Variants in WNT7B observed in about 807,000 individuals in gnomAD.
WNT7B encodes Wnt family member 7B, also known as protein Wnt-7b.
WNT7B carries 19 observed loss-of-function variants against 38.2 expected under a neutral mutation model. That is an observed-to-expected ratio of 0.50 (90% CI 0.35 to 0.73). The LOEUF (loss-of-function observed/expected upper bound fraction) is 0.73. Ranked by LOEUF, WNT7B falls within the 30% of genes least tolerant of loss-of-function variation. The pLI, the probability that WNT7B is intolerant of heterozygous loss-of-function variation, is 0.01. For missense variants in WNT7B, 423 were observed against 507.9 expected (o/e 0.83, Z 1.61); for synonymous variants, 243 against 209.3 (o/e 1.16, Z -1.39).
chr22:45,949,831 CA>C, intron 2 of WNT7B, 88 bp downstream of exon 2: 1 of 1,311,436 alleles, frequency 7.6e-7, no homozygotes, highest in South Asian at 1.4e-5. Flanking sequence ...GTGTGCAGAA[CA>C]GCGGCCTAGG....
chr22:45,931,314 G>C lies in WNT7B; in HGVS notation c.354C>G (p.Ala118=), dbSNP rs372049080. Residue 118 remains alanine, a synonymous_variant, in exon 3 of 4, where the codon GCC becomes GCG. Transcript: ENST00000339464. ...YAITAAGVAH[A]VTAACSQGNL... is the part of the protein sequence containing the mutation. ...TCCCTTGGCTGCAGGCAGCGGTGAC[G>C]GCGTGCGCCACGCCAGCCGCGGTGA... is the stretch of plus-strand genomic sequence containing the variant. The C allele has an allele frequency of 1.9e-6, 3 of 1,597,158 alleles. No homozygotes were observed. The highest frequency in any genetic ancestry group is 2.2e-5 in the South Asian group (2 of 90,976).
chr22:45,928,404 G>A (rs73175051), intron 3 of WNT7B, among the ~76,000 whole-genome samples: 30,153 of 152,164 alleles, frequency 0.2, 3,197 homozygotes, highest in Admixed American at 0.26. Context: ...GCACAGGGTC[G>A]GGGCAGTGAG....
intron 2 of WNT7B, among the ~76,000 whole-genome samples, chr22:45,945,376 G>A (rs1569117839): frequency 6.6e-6 from 1 of 152,196 alleles, no homozygotes; most frequent in Non-Finnish European, 1.5e-5. Flanking sequence ...ACCATGCCTG[G>A]CTGGTGAACT....
intron 3 of WNT7B, among the ~76,000 whole-genome samples, chr22:45,929,227 C>G (rs1483881272): frequency 3.9e-5 from 6 of 152,332 alleles, no homozygotes; most frequent in Non-Finnish European, 7.3e-5. Flanking sequence ...CCACACTTTC[C>G]TCTGGACTCT....
intron 3 of WNT7B, chr22:45,926,529 G>T: frequency 1.0e-6 from 1 of 985,408 alleles, no homozygotes; most frequent in African/African-American, 1.7e-5. Context: ...GTGGACTAAA[G>T]TCCTTCCAGG....
At chr22:45,947,880 A>G (rs1348632467) in intron 2 of WNT7B, among the ~76,000 whole-genome samples, 2 of 152,176 alleles carry the variant, frequency 1.3e-5, no homozygotes, top group African/African-American at 2.4e-5. Context: ...CAGCGCTCCC[A>G]GGATCGAGGA....
intron 3 of WNT7B, 81 bp downstream of exon 3, chr22:45,931,017 G>A (rs1931332041): frequency 6.9e-7 from 1 of 1,459,400 alleles, no homozygotes; most frequent in Non-Finnish European, 9.0e-7. Context: ...TCTGCTAGAA[G>A]AGGAGCCTGA....
chr22:45,945,990 G>T (rs1931784859), intron 2 of WNT7B, among the ~76,000 whole-genome samples: 1 of 152,252 alleles, frequency 6.6e-6, no homozygotes, highest in Non-Finnish European at 1.5e-5. Flanking sequence ...CAGCTCAAGG[G>T]TGGGGCTAGG....
At chr22:45,938,272 G>C (rs1014575135) in intron 2 of WNT7B, among the ~76,000 whole-genome samples, 2 of 152,156 alleles carry the variant, frequency 1.3e-5, no homozygotes, top group Admixed American at 1.3e-4. Context: ...TGAAGTTATT[G>C]AGGTAGAGAG....
At chr22:45,929,151 G>C (rs1931201572) in intron 3 of WNT7B, among the ~76,000 whole-genome samples, 2 of 152,194 alleles carry the variant, frequency 1.3e-5, no homozygotes, top group Admixed American at 6.5e-5. Context: ...CGAGGGCTCA[G>C]CCTTGCCTTC....
intron 3 of WNT7B, among the ~76,000 whole-genome samples, chr22:45,924,792 C>T (rs888202669): frequency 1.5e-5 from 2 of 134,106 alleles, no homozygotes; most frequent in Non-Finnish European, 3.1e-5. Context: ...CCCAAAGGCT[C>T]ATCAGGCAGG....
intron 1 of WNT7B, among the ~76,000 whole-genome samples, chr22:45,950,865 GAAATT>G (rs932985177): frequency 5.9e-5 from 9 of 152,258 alleles, no homozygotes; most frequent in Non-Finnish European, 1.3e-4. Context: ...CGCAGAGGAA[GAAATT>G]AGGCCTGCAG....
At position 45,920,461 on chromosome 22, in the gene WNT7B, C is replaced by T. The variant is rs1388197227; in HGVS notation, c.*2395G>A. On this transcript the variant is annotated 3_prime_UTR_variant, in exon 4 of 4. Coordinates refer to ENST00000339464, the MANE Select transcript of WNT7B (RefSeq NM_058238.3). ...CGCAGCACCTTGGTCGCCATCACCCCCATCTGGGCCACCCTGACCCCCGTC... is the reference window on the plus strand; with the variant it reads ...CGCAGCACCTTGGTCGCCATCACCCTCATCTGGGCCACCCTGACCCCCGTC... The T allele has an allele frequency of 2.0e-5, 3 of 152,204 alleles. No individual in the cohort carries two copies. Among genetic ancestry groups the T allele is most frequent in the Non-Finnish European group, 4.4e-5 (3 of 68,096 alleles). The allele number at this position is 152,204 out of a possible 1,614,324, so 9.4% of individuals were successfully genotyped here. A position where few individuals can be genotyped will look rare whatever the true frequency, so the allele number is the denominator to read the frequency against.
intron 1 of WNT7B, among the ~76,000 whole-genome samples, chr22:45,960,359 C>G (rs957396608): frequency 2.0e-5 from 3 of 152,212 alleles, no homozygotes; most frequent in Admixed American, 2.0e-4. Flanking sequence ...CTTGACCTCT[C>G]AGGCTGTCCT....
In WNT7B at chr22:45,937,729, G is replaced by A. The variant is rs115738229; in HGVS notation, c.299-6360C>T. Among the ~76,000 whole-genome samples, 1,339 of 152,296 alleles carry A rather than the reference G, an allele frequency of 8.8e-3. 25 individuals carry two copies. The highest frequency in any genetic ancestry group is 0.031 in the African/African-American group (1,276 of 41,560). On this transcript the variant is annotated intron_variant, in intron 2 of 3. Transcript: ENST00000339464. Reference sequence around the variant, plus strand: ...TTTTTAAAAAATGACATTTTTGTCCGGGCACAGCGGCTCACGCCTATAATC... The same window carrying A: ...TTTTTAAAAAATGACATTTTTGTCCAGGCACAGCGGCTCACGCCTATAATC...
At position 45,920,854 on chromosome 22, in the gene WNT7B, T is replaced by A. The variant is rs922057411; in HGVS notation, c.*2002A>T. ...GACATTTCGACGCTATATAACAACA[T>A]AAGTTAACCAGGTTCCTTGCAGAGG... On this transcript the variant is annotated 3_prime_UTR_variant, in exon 4 of 4. Coordinates refer to ENST00000339464, the MANE Select transcript of WNT7B (RefSeq NM_058238.3). The A allele has an allele frequency of 6.6e-6, 1 of 152,028 alleles. No individual in the cohort carries two copies. Among genetic ancestry groups the A allele is most frequent in the African/African-American group, 2.4e-5 (1 of 41,342 alleles). The allele number at this position is 152,028 out of a possible 1,614,324, so 9.4% of individuals were successfully genotyped here. A position where few individuals can be genotyped will look rare whatever the true frequency, so the allele number is the denominator to read the frequency against.
intron 1 of WNT7B, among the ~76,000 whole-genome samples, chr22:45,969,562 G>A (rs939186726): frequency 5.3e-5 from 8 of 152,244 alleles, no homozygotes; most frequent in South Asian, 4.1e-4. Context: ...CAGAGAAGGC[G>A]AGGGCTGGCC....
rs1011411577 is a variant in WNT7B at position 45,977,129 on chromosome 22, T to A, written c.-375A>T. ...CCTCGCCGAGCGCCGCGGCGGCCAA[T>A]GTGTCCGCACTTGTCGGCCGCCCCA... On this transcript the variant is annotated 5_prime_UTR_variant, in exon 1 of 4. Transcript: ENST00000339464. 1 of 619,732 alleles carries A rather than the reference T, an allele frequency of 1.6e-6. No homozygotes were observed. Among genetic ancestry groups the A allele is most frequent in the Non-Finnish European group, 2.0e-6 (1 of 496,322 alleles). The allele number at this position is 619,732 out of a possible 1,614,324, so 38.4% of individuals were successfully genotyped here. A position where few individuals can be genotyped will look rare whatever the true frequency, so the allele number is the denominator to read the frequency against.
intron 1 of WNT7B, among the ~76,000 whole-genome samples, chr22:45,973,938 G>A (rs997834788): frequency 3.9e-5 from 6 of 152,154 alleles, no homozygotes; most frequent in African/African-American, 1.4e-4. Flanking sequence ...AAGTGATCAC[G>A]TAATACCCCA....
Sources: allele counts gnomAD v4.1 joint callset (sites outside exome capture counted in the v4.1 genomes callset), GRCh38; gene constraint gnomAD v4.1.1; transcripts MANE v1.5; gene names NCBI Gene and HGNC (gene_info 2026-07-23, HGNC 2026-07-21).